DCAF6: variants seen among roughly 807,000 people sequenced by gnomAD.
DCAF6 encodes the protein DDB1- and CUL4-associated factor 6.
DCAF6 carries 54 observed loss-of-function variants against 125.1 expected under a neutral mutation model. The ratio of observed to expected loss-of-function variants is 0.43; its 90% confidence interval spans 0.35 to 0.54. DCAF6 has a LOEUF of 0.54. DCAF6 is among the 20% of genes least tolerant of loss of function. The pLI is 0.01. For synonymous variants in DCAF6, 371 were observed against 390.4 expected (o/e 0.95, Z 0.58); for missense variants, 934 against 1,161.7 (o/e 0.80, Z 2.85).
chr1:167,877,996 G>C, the DCAF6 span, among the ~76,000 whole-genome samples: 1 of 152,218 alleles, frequency 6.6e-6, no homozygotes, highest in Non-Finnish European at 1.5e-5. Flanking sequence ...AAGCTTCAAA[G>C]TGACACCCAT....
In DCAF6 at chr1:167,969,422, G is replaced by C. The variant is rs143079192; in HGVS notation, c.252+2701G>C. 3.7e-3 allele frequency among the ~76,000 whole-genome samples: 562 copies of C among 152,282 alleles called. 5 individuals are homozygous for C. Among genetic ancestry groups the C allele is most frequent in the African/African-American group, 0.013 (539 of 41,572 alleles). On this transcript the variant is annotated intron_variant, in intron 3 of 21. Transcript: ENST00000367840. ...AACATATGAGTTCTAATTAGGTTAG[G>C]ATTATGTTCTGATTTTCATTGGCTT...
the DCAF6 span, among the ~76,000 whole-genome samples, chr1:167,925,519 CGTTTTTT>C: frequency 9.0e-6 from 1 of 111,326 alleles, no homozygotes; most frequent in South Asian, 3.0e-4. Flanking sequence ...ATACAAACAA[CGTTTTTT>C]TTTTTTGGTT....
intron 10 of DCAF6, among the ~76,000 whole-genome samples, chr1:168,014,841 G>A (rs1684745503): frequency 6.6e-6 from 1 of 152,172 alleles, no homozygotes. Flanking sequence ...TCCTCGAGGT[G>A]TTTGTTCAAG....
intron 21 of DCAF6, among the ~76,000 whole-genome samples, chr1:168,073,419 A>G (rs1693384577): frequency 1.3e-5 from 2 of 152,208 alleles, no homozygotes; most frequent in Non-Finnish European, 2.9e-5. Flanking sequence ...AGTTAAATGA[A>G]TTGAATTTGA....
chr1:167,983,446 G>GT (rs144013262), intron 4 of DCAF6, among the ~76,000 whole-genome samples: 1,703 of 152,256 alleles, frequency 0.011, 29 homozygotes, highest in African/African-American at 0.037. Context: ...TCAGCTAAGG[G>GT]TTAGATAGAG....
intron 1 of DCAF6, among the ~76,000 whole-genome samples, chr1:167,940,350 T>G (rs1474124815): frequency 2.6e-5 from 4 of 152,136 alleles, no homozygotes; most frequent in African/African-American, 9.7e-5. Context: ...CTATCTAAAT[T>G]TCAATGTAGG....
At position 168,047,533 on chromosome 1, in the gene DCAF6, A is replaced by G. The variant is rs952570988; in HGVS notation, c.2258+2306A>G. 2.6e-5 allele frequency among the ~76,000 whole-genome samples: 4 copies of G among 152,206 alleles called. No individual in the cohort carries two copies. In the South Asian group the frequency reaches 6.2e-4, roughly 24 times the overall value. On this transcript the variant is annotated intron_variant, in intron 16 of 21. Coordinates refer to ENST00000367840, the MANE Select transcript of DCAF6 (RefSeq NM_001198956.2). ...TTAGCCTATGTTGGTCCTACATGGT[A>G]TTTTGTTTTGTAAGATATAGTAGTA... is the stretch of plus-strand genomic sequence containing the variant.
At chr1:168,029,796 C>G (rs1686817854) in intron 12 of DCAF6, among the ~76,000 whole-genome samples, 1 of 151,970 alleles carries the variant, frequency 6.6e-6, no homozygotes, top group African/African-American at 2.4e-5. Flanking sequence ...CTGGCTAACA[C>G]AGTGAAACCC....
chr1:168,045,167 A>T lies in DCAF6; in HGVS notation c.2198A>T (p.Asp733Val), dbSNP rs1689009210. 6.2e-7 allele frequency: 1 copy of T among 1,613,968 alleles called. No individual in the cohort carries two copies. Among genetic ancestry groups the T allele is most frequent in the Non-Finnish European group, 8.5e-7 (1 of 1,179,912 alleles). The change falls in exon 16 of 22, where the codon GAC becomes GTC. Residue 733 changes from aspartate to valine, a missense_variant. Transcript: ENST00000367840. ...TRDSALQDTD[D>V]SDDDPVLIPG... is the part of the protein sequence containing the mutation. ...GACTCTGCTCTTCAGGACACAGATG[A>T]CAGTGATGATGACCCAGTCCTGATC...
chr1:167,973,350 C>T (rs1268004977), intron 3 of DCAF6, among the ~76,000 whole-genome samples: 1 of 152,110 alleles, frequency 6.6e-6, no homozygotes, highest in Non-Finnish European at 1.5e-5. Flanking sequence ...TGTTTGATCC[C>T]TCTATTTTGG....
chr1:168,063,787 T>G (rs907353541), intron 18 of DCAF6, 28 bp downstream of exon 18: 1 of 1,591,634 alleles, frequency 6.3e-7, no homozygotes, highest in Non-Finnish European at 8.5e-7. Context: ...CATTTTTTGG[T>G]GAAATTGCAG....
the DCAF6 span, chr1:167,904,082 C>CATTT: frequency 2.8e-6 from 1 of 363,266 alleles, no homozygotes; most frequent in South Asian, 2.3e-5. Context: ...CGGGCCTCAG[C>CATTT]TTTTTTTTTT....
chr1:167,870,210 T>A, the DCAF6 span: 2 of 1,609,710 alleles, frequency 1.2e-6, no homozygotes, highest in Non-Finnish European at 1.7e-6. Flanking sequence ...TCAAAATAAA[T>A]CAGGATTCTA....
chr1:168,051,917 G>A (rs915246430), intron 17 of DCAF6, among the ~76,000 whole-genome samples: 3 of 138,132 alleles, frequency 2.2e-5, no homozygotes, highest in African/African-American at 8.1e-5. Context: ...GCCTTGCTCT[G>A]TTGCCCAGGC....
chr1:167,954,319 C>T (rs1473579965), intron 2 of DCAF6, among the ~76,000 whole-genome samples: 1 of 151,954 alleles, frequency 6.6e-6, no homozygotes, highest in Admixed American at 6.6e-5. Context: ...AGGTCTTACA[C>T]AAATGTTTTC....
intron 12 of DCAF6, among the ~76,000 whole-genome samples, chr1:168,028,550 G>T (rs1263264193): frequency 1.3e-5 from 2 of 152,072 alleles, no homozygotes; most frequent in Non-Finnish European, 2.9e-5. Flanking sequence ...TAATTTGTAG[G>T]TATGAAAAAT....
chr1:168,069,375 T>C (rs977042680), intron 21 of DCAF6, among the ~76,000 whole-genome samples: 6 of 152,220 alleles, frequency 3.9e-5, no homozygotes, highest in Non-Finnish European at 5.9e-5. Context: ...CTTCTGTGAC[T>C]ACTCCATCCA....
chr1:168,040,770 A>G (rs1035832925), intron 13 of DCAF6, among the ~76,000 whole-genome samples: 1 of 147,276 alleles, frequency 6.8e-6, no homozygotes, highest in East Asian at 2.0e-4. Flanking sequence ...TTTGAATGCT[A>G]CTTTTCCTTC....
At chr1:168,022,688 C>T (rs1030462386) in intron 11 of DCAF6, among the ~76,000 whole-genome samples, 1 of 152,072 alleles carries the variant, frequency 6.6e-6, no homozygotes, top group Non-Finnish European at 1.5e-5. Flanking sequence ...AACTAGATAC[C>T]CCATTTCTAA....
Sources: gnomAD v4.1 joint callset for allele counts (sites outside exome capture counted in the v4.1 genomes callset) on GRCh38, gnomAD v4.1.1 for gene constraint, MANE v1.5 for transcripts, NCBI Gene and HGNC (gene_info 2026-07-23, HGNC 2026-07-21) for gene names.